PSD3: variants seen among roughly 807,000 people sequenced by gnomAD.
PSD3 encodes the protein pleckstrin and Sec7 domain containing 3, also known as PH and SEC7 domain-containing protein 3.
A neutral mutation model predicts 105.5 loss-of-function variants in PSD3; 49 were observed. The ratio of observed to expected loss-of-function variants is 0.46; its 90% CI spans 0.37 to 0.59. The LOEUF is 0.59. Among genes scored for constraint, PSD3 ranks in the 20% least tolerant of loss-of-function variants. PSD3 has a pLI of 0.00. For synonymous variants in PSD3, 557 were observed against 457.8 expected, an observed-to-expected ratio of 1.22 and a Z score of -2.77; for missense variants, 1,561 against 1,263.8, an observed-to-expected ratio of 1.24 and a Z score of -3.57.
chr8:19,040,454 C>CCT (rs1828084310), intron 1 of PSD3, among the ~76,000 whole-genome samples: 1 of 152,166 alleles, frequency 6.6e-6, no homozygotes, highest in African/African-American at 2.4e-5. Context: ...GATCCACATG[C>CCT]CTCTGCCTCC....
chr8:19,004,197 T>C (rs1270176705), intron 1 of PSD3, among the ~76,000 whole-genome samples: 2 of 152,076 alleles, frequency 1.3e-5, no homozygotes, highest in African/African-American at 2.4e-5. Flanking sequence ...CTATTTTCTA[T>C]ACATAAAAGT....
chr8:18,796,966 C>A (rs1483016661), intron 8 of PSD3, among the ~76,000 whole-genome samples: 1 of 151,974 alleles, frequency 6.6e-6, no homozygotes, highest in Non-Finnish European at 1.5e-5. Context: ...AGGGGCCATG[C>A]TGACAAGTCA....
chr8:18,594,113 T>G (rs1251714467), intron 12 of PSD3, among the ~76,000 whole-genome samples: 3 of 79,442 alleles, frequency 3.8e-5, no homozygotes, highest in African/African-American at 1.6e-4. Context: ...CCCTAGAACT[T>G]AAAGTATAAT....
chr8:18,917,252 C>T (rs1820684540), intron 2 of PSD3, among the ~76,000 whole-genome samples: 1 of 152,232 alleles, frequency 6.6e-6, no homozygotes, highest in South Asian at 2.1e-4. Context: ...GCACTACTTT[C>T]AGGCAGAGAT....
At chr8:18,536,755 T>G (rs1183770620) in intron 15 of PSD3, among the ~76,000 whole-genome samples, 2 of 151,020 alleles carry the variant, frequency 1.3e-5, no homozygotes, top group African/African-American at 4.8e-5. Flanking sequence ...GCTCTGGCAC[T>G]TTTTTTTTCT....
At chr8:18,882,310 T>C (rs1341499677) in intron 2 of PSD3, among the ~76,000 whole-genome samples, 1 of 152,224 alleles carries the variant, frequency 6.6e-6, no homozygotes, top group African/African-American at 2.4e-5. Flanking sequence ...ACCCAAGTCC[T>C]ACCCGTTGCT....
chr8:18,544,661 T>G (rs1454389338), intron 15 of PSD3, among the ~76,000 whole-genome samples: 1 of 152,160 alleles, frequency 6.6e-6, no homozygotes, highest in Non-Finnish European at 1.5e-5. Flanking sequence ...AATTAAACAT[T>G]AAAAAGCTTA....
chr8:19,012,680 G>C (rs570351005), intron 1 of PSD3, among the ~76,000 whole-genome samples: 1 of 152,184 alleles, frequency 6.6e-6, no homozygotes, highest in Non-Finnish European at 1.5e-5. Flanking sequence ...CCTAGCTACC[G>C]GGCTTTGCAA....
chr8:18,637,081 T>G (rs933224393), intron 10 of PSD3, among the ~76,000 whole-genome samples: 1 of 152,210 alleles, frequency 6.6e-6, no homozygotes. Flanking sequence ...ATCTGCAATA[T>G]ATTGATTTGT....
At chr8:19,074,916 G>A (rs1013946411) in intron 1 of PSD3, among the ~76,000 whole-genome samples, 12 of 150,894 alleles carry the variant, frequency 8.0e-5, no homozygotes, top group African/African-American at 2.7e-4. Flanking sequence ...CACCGTGCCC[G>A]GCCTAACTCA....
chr8:18,565,895 G>T (rs113449659), intron 14 of PSD3, among the ~76,000 whole-genome samples: 4 of 152,226 alleles, frequency 2.6e-5, no homozygotes, highest in African/African-American at 9.6e-5. Context: ...CATCTAGTGG[G>T]TAGAAGCTGG....
At chr8:18,709,451 G>T (rs531115443) in intron 9 of PSD3, among the ~76,000 whole-genome samples, 32 of 152,334 alleles carry the variant, frequency 2.1e-4, no homozygotes, top group African/African-American at 6.3e-4. Context: ...TCAGAAAAGT[G>T]GGAATCCCCT....
Position 19,063,306 on chromosome 8 carries a change from A to G in PSD3, c.324+20900T>C, listed in dbSNP as rs191369738. 8.2e-3 allele frequency among the ~76,000 whole-genome samples: 1,245 copies of G among 152,350 alleles called. 9 individuals carry two copies. The highest frequency in any genetic ancestry group is 0.027 in the Middle Eastern group (8 of 294). On this transcript the variant is annotated intron_variant, in intron 1 of 1. Coordinates refer to the PSD3 transcript ENST00000521475. Reference sequence around the variant, plus strand: ...TTTATTAGCTAACCAAAATATTTCAATTTTAACTGTCATTGTTAAAATCAT... The same window carrying G: ...TTTATTAGCTAACCAAAATATTTCAGTTTTAACTGTCATTGTTAAAATCAT...
chr8:18,694,046 C>T (rs1251165334), intron 9 of PSD3, among the ~76,000 whole-genome samples: 2 of 152,158 alleles, frequency 1.3e-5, no homozygotes, highest in Non-Finnish European at 2.9e-5. Context: ...ATAGTCCTGT[C>T]CAAGTGTCAT....
At chr8:18,815,893 A>G (rs1221593891) in intron 4 of PSD3, among the ~76,000 whole-genome samples, 2 of 152,178 alleles carry the variant, frequency 1.3e-5, no homozygotes, top group African/African-American at 2.4e-5. Context: ...AAGCTGCTCT[A>G]TGCGATATAG....
At chr8:18,898,459 T>A (rs552193641) in intron 2 of PSD3, among the ~76,000 whole-genome samples, 73 of 152,228 alleles carry the variant, frequency 4.8e-4, no homozygotes, top group African/African-American at 1.7e-3. Context: ...GGAATGTCTT[T>A]TTCCATACTT....
intron 9 of PSD3, among the ~76,000 whole-genome samples, chr8:18,660,311 C>T (rs1809253346): frequency 1.3e-5 from 2 of 152,126 alleles, no homozygotes; most frequent in Non-Finnish European, 2.9e-5. Flanking sequence ...GAGGAAGAGA[C>T]TTTTCCCCTG....
At chr8:18,987,160 T>C (rs1000959012) in intron 1 of PSD3, among the ~76,000 whole-genome samples, 3 of 152,172 alleles carry the variant, frequency 2.0e-5, no homozygotes, top group South Asian at 2.1e-4. Context: ...TTAAAAGATA[T>C]ACAACACTCA....
At chr8:18,846,785 T>C (rs1404281195) in intron 4 of PSD3, among the ~76,000 whole-genome samples, 1 of 151,912 alleles carries the variant, frequency 6.6e-6, no homozygotes, top group Non-Finnish European at 1.5e-5. Flanking sequence ...TCTCTAGGGG[T>C]CTTGCTCATG....
Sources: gnomAD v4.1 joint callset for allele counts (sites outside exome capture counted in the v4.1 genomes callset) on GRCh38, gnomAD v4.1.1 for gene constraint, MANE v1.5 for transcripts, NCBI Gene and HGNC (gene_info 2026-07-23, HGNC 2026-07-21) for gene names.